The following NCOR1 variants were observed in gnomAD, a reference collection of about 807,000 sequenced individuals.
NCOR1 encodes the protein nuclear receptor corepressor 1.
A neutral mutation model predicts 288.1 loss-of-function variants in NCOR1; 63 were observed. The observed-to-expected ratio is 0.22, with a 90% CI of 0.18 to 0.27. NCOR1 has a LOEUF of 0.27. NCOR1 is among the 10% of genes least tolerant of loss of function. The pLI, the probability that NCOR1 is intolerant of heterozygous loss-of-function variation, is 1.00. For missense variants in NCOR1, 2,397 were observed against 3,019.2 expected (o/e 0.79, Z 4.83); for synonymous variants, 1,007 against 1,065.9 (o/e 0.94, Z 1.08).
In NCOR1 at chr17:16,171,844, G is replaced by C; in HGVS notation, c.394C>G (p.Pro132Ala). 2 of 1,611,208 alleles carry C rather than the reference G, an allele frequency of 1.2e-6. No individual in the cohort carries two copies. Among genetic ancestry groups the C allele is most frequent in the Non-Finnish European group, 1.7e-6 (2 of 1,178,886 alleles). ...GAAGCCCTCAGCCCTTCTGGCAGCG[G>C]GTGCACTAAAGGCAAAACCGCAGCA... ...VSAAVLPLVH[P>A]LPEGLRASAD... Residue 132 changes from proline to alanine, a missense_variant, in exon 4 of 46, where the codon CCG (proline) becomes GCG (alanine). Around this residue, in one of 11 missense-constraint regions of NCOR1, gnomAD observed 110 missense variants for 123.2 expected, o/e 0.89. Transcript: ENST00000268712.
At chr17:16,130,612 T>A (rs116013171) in intron 14 of NCOR1, among the ~76,000 whole-genome samples, 1,528 of 152,298 alleles carry the variant, frequency 0.01, 26 homozygotes, top group African/African-American at 0.035. Flanking sequence ...GAATGAATAT[T>A]CTAGAACACA....
intron 45 of NCOR1, among the ~76,000 whole-genome samples, chr17:16,033,045 T>C (rs1972576498): frequency 6.6e-6 from 1 of 152,074 alleles, no homozygotes; most frequent in Non-Finnish European, 1.5e-5. Context: ...CTCCTACAGC[T>C]TAAGAAAACG....
intron 20 of NCOR1, among the ~76,000 whole-genome samples, chr17:16,100,630 C>G (rs1460039264): frequency 6.6e-6 from 1 of 152,126 alleles, no homozygotes; most frequent in Non-Finnish European, 1.5e-5. Context: ...AAGAACGAGA[C>G]TCCGTCTCAA....
At chr17:16,162,069 T>C (rs571520309) in intron 5 of NCOR1, among the ~76,000 whole-genome samples, 2 of 151,982 alleles carry the variant, frequency 1.3e-5, no homozygotes, top group Non-Finnish European at 2.9e-5. Flanking sequence ...AATAAAAATT[T>C]AATACAACTC....
At chr17:16,103,924 C>T (rs1232074206) in intron 19 of NCOR1, among the ~76,000 whole-genome samples, 2 of 152,192 alleles carry the variant, frequency 1.3e-5, no homozygotes, top group Non-Finnish European at 2.9e-5. Flanking sequence ...GTAGGAGAAT[C>T]GCTTGAATCC....
In NCOR1 at chr17:16,151,927, A is replaced by G; in HGVS notation, c.842+19T>C. ...ATACGGTCTTTAATTGAAGAACTCCAAAGATGATCAATACTTACGTCTTGA... is the reference window on the plus strand; with the variant it reads ...ATACGGTCTTTAATTGAAGAACTCCGAAGATGATCAATACTTACGTCTTGA... On this transcript the variant is annotated intron_variant, in intron 8 of 45. Coordinates refer to ENST00000268712, the MANE Select transcript of NCOR1 (RefSeq NM_006311.4). 1 of 1,577,784 alleles carries G rather than the reference A, an allele frequency of 6.3e-7. No homozygotes were observed.
intron 3 of NCOR1, among the ~76,000 whole-genome samples, chr17:16,183,039 T>A (rs944529371): frequency 2.6e-5 from 4 of 151,810 alleles, no homozygotes; most frequent in African/African-American, 4.8e-5. Flanking sequence ...TTCCTTAACA[T>A]AATAAAGGCC....
intron 19 of NCOR1, among the ~76,000 whole-genome samples, chr17:16,107,251 C>T (rs1297006579): frequency 6.6e-6 from 1 of 151,890 alleles, no homozygotes; most frequent in Non-Finnish European, 1.5e-5. Flanking sequence ...TTGTGCCCCT[C>T]CCCACCAAAA....
At chr17:16,089,707 C>T (rs878939660) in intron 22 of NCOR1, among the ~76,000 whole-genome samples, 2 of 152,068 alleles carry the variant, frequency 1.3e-5, no homozygotes, top group Admixed American at 1.3e-4. Flanking sequence ...ATTCTATAAA[C>T]TGTTCTATGA....
At chr17:16,205,664 G>A (rs1263552498) in intron 1 of NCOR1, among the ~76,000 whole-genome samples, 10 of 138,782 alleles carry the variant, frequency 7.2e-5, no homozygotes, top group African/African-American at 1.9e-4. Flanking sequence ...AAGGTTGGGC[G>A]CAGTGGCTCA....
intron 1 of NCOR1, among the ~76,000 whole-genome samples, chr17:16,207,678 T>G (rs1243319708): frequency 1.3e-5 from 2 of 149,954 alleles, no homozygotes; most frequent in Non-Finnish European, 3.0e-5. Flanking sequence ...GAGGTGGAGC[T>G]TGCAATGAGC....
chr17:16,089,017 ATAATT>A (rs1365448296), intron 22 of NCOR1, among the ~76,000 whole-genome samples: 1 of 152,078 alleles, frequency 6.6e-6, no homozygotes, highest in Non-Finnish European at 1.5e-5. Flanking sequence ...ACTTTCCTAG[ATAATT>A]TAATATGATA....
intron 2 of NCOR1, among the ~76,000 whole-genome samples, chr17:16,190,178 T>C (rs930323919): frequency 5.3e-5 from 8 of 152,192 alleles, no homozygotes; most frequent in African/African-American, 1.9e-4. Context: ...TACAGTGAGC[T>C]ATGACTGCGT....
At chr17:16,204,190 A>C (rs1467681849) in intron 1 of NCOR1, among the ~76,000 whole-genome samples, 3 of 152,226 alleles carry the variant, frequency 2.0e-5, no homozygotes, top group Non-Finnish European at 4.4e-5. Flanking sequence ...TCCCAAACAC[A>C]TTTAGTAAAT....
At chr17:16,050,069 T>A (rs1255239936) in intron 40 of NCOR1, among the ~76,000 whole-genome samples, 1 of 151,980 alleles carries the variant, frequency 6.6e-6, no homozygotes, top group Admixed American at 6.5e-5. Context: ...ATTTTTATTA[T>A]ATGTTTTATT....
intron 4 of NCOR1, among the ~76,000 whole-genome samples, chr17:16,168,452 C>T (rs12936882): frequency 6.6e-5 from 10 of 152,014 alleles, no homozygotes; most frequent in African/African-American, 2.2e-4. Context: ...CCGCCCGCCT[C>T]GGCCTCCCAA....
chr17:16,179,133 G>A (rs2153493839), intron 3 of NCOR1, among the ~76,000 whole-genome samples: 1 of 152,106 alleles, frequency 6.6e-6, no homozygotes, highest in African/African-American at 2.4e-5. Flanking sequence ...TCAAATCTTT[G>A]ATCAACTTAA....
chr17:16,143,057 A>G (rs1362790272), intron 11 of NCOR1, among the ~76,000 whole-genome samples: 4 of 152,178 alleles, frequency 2.6e-5, no homozygotes, highest in African/African-American at 7.2e-5. Context: ...ACCTGGGACT[A>G]TATCACCTGC....
rs765734439 is a variant in NCOR1 at position 16,098,414 on chromosome 17, G to C, written c.2773C>G (p.Leu925Val). 1 of 1,614,084 alleles carries C rather than the reference G, an allele frequency of 6.2e-7. No individual in the cohort carries two copies. The highest frequency in any genetic ancestry group is 1.1e-5 in the South Asian group (1 of 91,080). Residue 925 changes from leucine to valine, a missense_variant, in exon 21 of 46, where the codon CTG (leucine) becomes GTG (valine). Physicochemically the swap from Leu to Val is conservative, Grantham distance 32 (BLOSUM62 1). Around this residue, in one of 11 missense-constraint regions of NCOR1, gnomAD observed 1,872 missense variants for 2,187.8 expected, o/e 0.86. Coordinates refer to ENST00000268712, the MANE Select transcript of NCOR1 (RefSeq NM_006311.4). Reference protein sequence around the residue: ...LVSSPLKPNPLDLPQLQHRAA... With the variant: ...LVSSPLKPNPVDLPQLQHRAA... ...CGATGCTGAAGCTGTGGCAGATCCA[G>C]TGGATTTGGTTTTAACGGAGATGAG... is the stretch of plus-strand genomic sequence containing the variant.
Sources: allele counts gnomAD v4.1 joint callset (sites outside exome capture counted in the v4.1 genomes callset), GRCh38; gene constraint gnomAD v4.1.1; regional missense constraint gnomAD v4.1.1; transcripts MANE v1.5; gene names NCBI Gene and HGNC (gene_info 2026-07-23, HGNC 2026-07-21).